EYA2: variants seen among roughly 807,000 people sequenced by gnomAD.
The protein encoded by EYA2 is EYA transcriptional coactivator and phosphatase 2, also known as protein phosphatase EYA2.
Under a neutral mutation model 69.2 loss-of-function variants are expected in EYA2, and 31 were observed. That is an observed-to-expected ratio of 0.45 (90% CI 0.34 to 0.60). EYA2 has a LOEUF of 0.60. Among genes scored for constraint, EYA2 ranks in the 20% least tolerant of loss-of-function variants. The pLI is 0.02. For missense variants in EYA2, 622 were observed against 701.2 expected (o/e 0.89, Z 1.28); for synonymous variants, 257 against 279.4 (o/e 0.92, Z 0.80).
At chr20:46,994,938 C>A (rs57055462) in intron 2 of EYA2, among the ~76,000 whole-genome samples, 6,177 of 151,258 alleles carry the variant, frequency 0.041, 420 homozygotes, top group African/African-American at 0.14. Context: ...TTCGCTCTTG[C>A]GAACCAGGCT....
At chr20:47,043,325 A>C (rs528938398) in intron 5 of EYA2, among the ~76,000 whole-genome samples, 2 of 152,284 alleles carry the variant, frequency 1.3e-5, no homozygotes, top group African/African-American at 4.8e-5. Flanking sequence ...ACCCACGGAA[A>C]GGGAATGTTT....
intron 10 of EYA2, among the ~76,000 whole-genome samples, chr20:47,163,867 G>T (rs1348582631): frequency 6.6e-6 from 1 of 152,094 alleles, no homozygotes; most frequent in Non-Finnish European, 1.5e-5. Flanking sequence ...AAGGCTCTTT[G>T]CAGGTGTTAC....
chr20:47,002,490 G>A (rs1461747409), intron 3 of EYA2, among the ~76,000 whole-genome samples: 1 of 152,186 alleles, frequency 6.6e-6, no homozygotes, highest in Non-Finnish European at 1.5e-5. Context: ...GTTTGCTGAG[G>A]ATAAGGGTTT....
chr20:46,913,254 T>C (rs963814440), intron 1 of EYA2, among the ~76,000 whole-genome samples: 1 of 152,182 alleles, frequency 6.6e-6, no homozygotes, highest in Admixed American at 6.5e-5. Flanking sequence ...TGAAACTATC[T>C]GGCAGAAGAG....
chr20:46,905,029 C>G (rs1278502599), intron 1 of EYA2, among the ~76,000 whole-genome samples: 1 of 152,002 alleles, frequency 6.6e-6, no homozygotes, highest in Non-Finnish European at 1.5e-5. Flanking sequence ...GCCCTGAGTT[C>G]TGGGACTTTG....
chr20:47,019,102 G>A (rs1046181564), intron 5 of EYA2, among the ~76,000 whole-genome samples: 1 of 152,156 alleles, frequency 6.6e-6, no homozygotes, highest in African/African-American at 2.4e-5. Flanking sequence ...AGTCGCCCAG[G>A]CACATAACCC....
At chr20:46,940,699 C>T (rs962038443) in intron 1 of EYA2, among the ~76,000 whole-genome samples, 4 of 152,172 alleles carry the variant, frequency 2.6e-5, no homozygotes, top group Middle Eastern at 3.2e-3. Flanking sequence ...CACAGCGCTC[C>T]GGGAGGGAAG....
chr20:46,994,697 CTT>C (rs1266802824), intron 2 of EYA2, among the ~76,000 whole-genome samples: 2 of 152,100 alleles, frequency 1.3e-5, no homozygotes, highest in Non-Finnish European at 2.9e-5. Flanking sequence ...ACCTTTAAGG[CTT>C]TTGTAGCCGT....
intron 1 of EYA2, among the ~76,000 whole-genome samples, chr20:46,936,109 A>G (rs1985898017): frequency 3.3e-5 from 5 of 152,184 alleles, no homozygotes; most frequent in Non-Finnish European, 4.4e-5. Context: ...AGTCCCATGC[A>G]TTTGGGATAA....
chr20:47,144,366 A>G (rs2033660545), intron 10 of EYA2, among the ~76,000 whole-genome samples: 1 of 151,758 alleles, frequency 6.6e-6, no homozygotes, highest in Non-Finnish European at 1.5e-5. Context: ...AAAAAAAAAA[A>G]AGAAAGAAAA....
chr20:46,960,303 C>T (rs543719117), intron 1 of EYA2, among the ~76,000 whole-genome samples: 1 of 152,204 alleles, frequency 6.6e-6, no homozygotes, highest in African/African-American at 2.4e-5. Flanking sequence ...ACTTTACCCA[C>T]GGGACACATC....
chr20:47,149,201 A>T (rs1473975044), intron 10 of EYA2, among the ~76,000 whole-genome samples: 1 of 152,190 alleles, frequency 6.6e-6, no homozygotes, highest in African/African-American at 2.4e-5. Flanking sequence ...GTGATTAAAG[A>T]TGATTCCAAA....
chr20:46,959,576 G>A (rs1390430272), intron 1 of EYA2, among the ~76,000 whole-genome samples: 7 of 152,154 alleles, frequency 4.6e-5, no homozygotes, highest in African/African-American at 1.4e-4. Flanking sequence ...ATCCTCCTCA[G>A]CTTCCTCCTG....
At chr20:47,096,866 T>A (rs2032262129) in intron 8 of EYA2, among the ~76,000 whole-genome samples, 2 of 152,354 alleles carry the variant, frequency 1.3e-5, no homozygotes, top group East Asian at 3.9e-4. Flanking sequence ...TTCTGACATC[T>A]TTTGAGTTGA....
At chr20:46,996,834 C>T (rs951812105) in intron 2 of EYA2, among the ~76,000 whole-genome samples, 1 of 151,716 alleles carries the variant, frequency 6.6e-6, no homozygotes, top group Non-Finnish European at 1.5e-5. Flanking sequence ...GGGAAGCAGG[C>T]ACATTTTCCA....
intron 12 of EYA2, among the ~76,000 whole-genome samples, chr20:47,176,092 T>A (rs74681741): frequency 6.7e-6 from 1 of 149,618 alleles, no homozygotes; most frequent in Non-Finnish European, 1.5e-5. Context: ...TTTTTTTTTT[T>A]TTTTTGAGAT....
intron 1 of EYA2, among the ~76,000 whole-genome samples, chr20:46,899,885 T>G (rs1317541734): frequency 6.6e-6 from 1 of 152,190 alleles, no homozygotes; most frequent in Admixed American, 6.5e-5. Context: ...CTCGTGCATT[T>G]TTGAAAAGTC....
At chr20:47,056,105 A>G (rs1263493653) in intron 5 of EYA2, among the ~76,000 whole-genome samples, 1 of 152,220 alleles carries the variant, frequency 6.6e-6, no homozygotes, top group Non-Finnish European at 1.5e-5. Flanking sequence ...GCTACCTGTG[A>G]ATGAGGCCAT....
intron 2 of EYA2, among the ~76,000 whole-genome samples, chr20:46,992,633 T>C (rs1401153632): frequency 6.6e-6 from 1 of 152,130 alleles, no homozygotes; most frequent in Non-Finnish European, 1.5e-5. Context: ...AGTGGTGAAA[T>C]CCACAGACAC....
Sources: allele counts gnomAD v4.1 joint callset (sites outside exome capture counted in the v4.1 genomes callset), GRCh38; gene constraint gnomAD v4.1.1; transcripts MANE v1.5; gene names NCBI Gene and HGNC (gene_info 2026-07-23, HGNC 2026-07-21).